The following BAIAP2 variants were observed in gnomAD, a reference collection of about 807,000 sequenced individuals.
BAIAP2 encodes BAR/IMD domain-containing adapter protein 2.
BAIAP2 carries 18 observed loss-of-function variants against 63.0 expected under a neutral mutation model. That is an observed-to-expected ratio of 0.29 (90% CI 0.20 to 0.42). The LOEUF (loss-of-function observed/expected upper bound fraction) is 0.42, where lower values mean the gene tolerates loss of function less well. BAIAP2 is among the 10% of genes least tolerant of loss of function. The pLI is 1.00. For missense variants in BAIAP2, 610 were observed against 734.3 expected (o/e 0.83, Z 1.96); for synonymous variants, 386 against 307.6 (o/e 1.25, Z -2.67).
chr17:81,109,630 T>A (rs2059656680), intron 13 of BAIAP2: 4 of 985,146 alleles, frequency 4.1e-6, no homozygotes, highest in Non-Finnish European at 4.8e-6. Flanking sequence ...GCCGCTCCTG[T>A]GAGGGAGGCC....
intron 6 of BAIAP2, among the ~76,000 whole-genome samples, chr17:81,090,001 A>G (rs557740145): frequency 6.6e-6 from 1 of 152,226 alleles, no homozygotes; most frequent in East Asian, 1.9e-4. Context: ...CCCAGGTCCC[A>G]GGGGCCCTGC....
At position 81,046,808 on chromosome 17, in the gene BAIAP2, C is replaced by T. The variant is rs2047883679; in HGVS notation, c.55-6860C>T. ...GCGCCCTTCCCTGGAGCCTGGCATC[C>T]TAGGCAGAGTCCCGTCAAGTCTACG... On this transcript the variant is annotated intron_variant, in intron 1 of 13. Transcript: ENST00000428708. This position sits in a 1 kb window ranked among gnomAD's most constrained non-coding sequence, Gnocchi z 4.5. 6.6e-6 allele frequency among the ~76,000 whole-genome samples: 1 copy of T among 152,186 alleles called. No individual in the cohort carries two copies. Among genetic ancestry groups the T allele is most frequent in the East Asian group, 1.9e-4 (1 of 5,194 alleles).
intron 13 of BAIAP2, chr17:81,110,167 G>A (rs1374606624): frequency 9.1e-6 from 9 of 985,658 alleles, no homozygotes; most frequent in East Asian, 2.3e-4. Context: ...ATCTGATGTG[G>A]TTTAGTAAAA....
At chr17:81,086,923 T>C in intron 6 of BAIAP2, 1 of 208,944 alleles carries the variant, frequency 4.8e-6, no homozygotes, top group Non-Finnish European at 9.7e-6. Context: ...GGTCGTGGCC[T>C]CCGCCTGCAG....
intron 13 of BAIAP2, chr17:81,110,907 C>T: frequency 6.2e-7 from 1 of 1,613,880 alleles, no homozygotes; most frequent in South Asian, 1.1e-5. Flanking sequence ...CTTGTGTTTC[C>T]TTGCAGCGCC....
rs967233103 is a variant in BAIAP2 at position 81,116,969 on chromosome 17, C to T, written c.*1130C>T. The T allele has an allele frequency of 1.3e-5, 2 of 152,628 alleles. No individual in the cohort carries two copies. Among genetic ancestry groups the T allele is most frequent in the Non-Finnish European group, 2.9e-5 (2 of 68,332 alleles). The allele number at this position is 152,628 out of a possible 1,614,324, so 9.5% of individuals were successfully genotyped here. A position where few individuals can be genotyped will look rare whatever the true frequency, so the allele number is the denominator to read the frequency against. On this transcript the variant is annotated 3_prime_UTR_variant, in exon 14 of 14. Coordinates refer to ENST00000428708, the MANE Select transcript of BAIAP2 (RefSeq NM_001144888.2). ...AACTCTCCTGCCTCCGCCTTCCACC[C>T]TGGGCCCAGGGACAGACAGACATTG...
chr17:81,038,789 C>T (rs2046656845), intron 1 of BAIAP2, among the ~76,000 whole-genome samples: 1 of 152,230 alleles, frequency 6.6e-6, no homozygotes, highest in Admixed American at 6.5e-5. Flanking sequence ...CAGCTTCTTC[C>T]TGGGGTGTGC....
chr17:81,058,741 G>A lies in BAIAP2; in HGVS notation c.217+774G>A, dbSNP rs192014402. Reference sequence around the variant, plus strand: ...CCTCTGGTCACGGAGGACAGGCTGCGCTCACTCTTGACCGTCTCCCCGTGG... The same window carrying A: ...CCTCTGGTCACGGAGGACAGGCTGCACTCACTCTTGACCGTCTCCCCGTGG... On this transcript the variant is annotated intron_variant, in intron 3 of 13. Transcript: ENST00000428708. Among the ~76,000 whole-genome samples, 678 of 152,342 alleles carry A rather than the reference G, an allele frequency of 4.5e-3. 3 individuals carry two copies. Among genetic ancestry groups the A allele is most frequent in the African/African-American group, 0.015 (631 of 41,562 alleles).
chr17:81,102,434 C>T (rs1055950215), intron 7 of BAIAP2, among the ~76,000 whole-genome samples: 15 of 152,162 alleles, frequency 9.9e-5, no homozygotes, highest in Non-Finnish European at 7.3e-5. Flanking sequence ...TCTGAAGGGC[C>T]ACAAAGTTTG....
chr17:81,058,372 G>A (rs1371387987), intron 3 of BAIAP2, among the ~76,000 whole-genome samples: 1 of 152,240 alleles, frequency 6.6e-6, no homozygotes, highest in African/African-American at 2.4e-5. Flanking sequence ...AGCAGCGTGA[G>A]TGGGTGGATT....
chr17:81,059,086 G>A (rs945927649), intron 3 of BAIAP2, among the ~76,000 whole-genome samples: 4 of 152,172 alleles, frequency 2.6e-5, no homozygotes, highest in East Asian at 3.9e-4. Flanking sequence ...CAGACCTGCC[G>A]GCCGCACTTC....
intron 8 of BAIAP2, 85 bp downstream of exon 8, chr17:81,103,808 G>A: frequency 6.3e-7 from 1 of 1,587,606 alleles, no homozygotes; most frequent in Non-Finnish European, 8.6e-7. Flanking sequence ...AGGGTGCAGA[G>A]TCCAGGGGCC....
At chr17:81,041,469 C>T (rs1181441070) in intron 1 of BAIAP2, among the ~76,000 whole-genome samples, 1 of 152,204 alleles carries the variant, frequency 6.6e-6, no homozygotes, top group African/African-American at 2.4e-5. Context: ...CAACAGGGTG[C>T]TTTTGCTCTT....
chr17:81,103,620 TC>T lies in BAIAP2; in HGVS notation c.765del (p.Ser256AlafsTer44). 1 of 1,605,712 alleles carries T rather than the reference TC, an allele frequency of 6.2e-7. No homozygotes were observed. On this transcript the variant is annotated frameshift_variant, in exon 8 of 14. Coordinates refer to ENST00000428708, the MANE Select transcript of BAIAP2 (RefSeq NM_001144888.2). LOFTEE classifies it high-confidence loss of function. The part of the protein sequence containing the change: ...MQQVASNGAT[L>X]PSALSASKSN... ...CAGGTGGCCAGCAACGGCGCCACCC[TC>T]CCCAGCGCCCTGTCGGCCTCCAAGT... is the stretch of plus-strand genomic sequence containing the variant.
chr17:81,099,892 A>G (rs750643931), intron 6 of BAIAP2, 36 bp from the exon 7 acceptor site: 4 of 1,602,924 alleles, frequency 2.5e-6, no homozygotes, highest in Admixed American at 1.7e-5. Flanking sequence ...GCGTCCTTCC[A>G]TCGCTGGCTG....
intron 11 of BAIAP2, 73 bp downstream of exon 11, chr17:81,106,219 G>A (rs1466233191): frequency 1.4e-6 from 2 of 1,459,874 alleles, no homozygotes; most frequent in Non-Finnish European, 1.9e-6. Context: ...CAGGTCCCTG[G>A]GCTTGGATTG....
chr17:81,076,336 C>T (rs1482969832), intron 3 of BAIAP2: 2 of 152,248 alleles, frequency 1.3e-5, no homozygotes, highest in Non-Finnish European at 2.9e-5. Flanking sequence ...GCCTCTCCAT[C>T]AACGGAGGCC....
intron 6 of BAIAP2, among the ~76,000 whole-genome samples, chr17:81,095,692 C>T (rs1444110780): frequency 1.3e-5 from 2 of 152,110 alleles, no homozygotes; most frequent in Admixed American, 6.5e-5. Context: ...GAACATCTCT[C>T]CTCCCTGTCC....
chr17:81,051,490 C>G (rs1399461585), intron 1 of BAIAP2, among the ~76,000 whole-genome samples: 1 of 152,116 alleles, frequency 6.6e-6, no homozygotes, highest in African/African-American at 2.4e-5. Context: ...ATTTCCGCCT[C>G]CCAGGTTCAA....
Sources: gnomAD v4.1 joint callset for allele counts (sites outside exome capture counted in the v4.1 genomes callset) on GRCh38, gnomAD v4.1.1 for gene constraint, Gnocchi (gnomAD v3.1) non-coding constraint, MANE v1.5 for transcripts, NCBI Gene and HGNC (gene_info 2026-07-23, HGNC 2026-07-21) for gene names.